Variants in KAT6A observed in about 807,000 individuals in gnomAD.
KAT6A encodes lysine acetyltransferase 6A, also known as histone acetyltransferase KAT6A.
KAT6A carries 9 observed loss-of-function variants against 198.4 expected under a neutral mutation model. That is an observed-to-expected ratio of 0.05 (90% CI 0.03 to 0.08). The LOEUF (loss-of-function observed/expected upper bound fraction) is 0.08, where lower values mean the gene tolerates loss of function less well. Ranked by LOEUF, KAT6A falls within the 10% of genes least tolerant of loss-of-function variation. The pLI is 1.00. For missense variants in KAT6A, 2,077 were observed against 2,509.9 expected, an observed-to-expected ratio of 0.83 and a Z score of 3.69; for synonymous variants, 890 against 883.0, an observed-to-expected ratio of 1.01 and a Z score of -0.14.
chr8:41,988,088 A>C (rs1319335661), intron 2 of KAT6A, among the ~76,000 whole-genome samples: 1 of 152,230 alleles, frequency 6.6e-6, no homozygotes, highest in Non-Finnish European at 1.5e-5. Flanking sequence ...ACATGTACTA[A>C]GCATCAGTAT....
rs558135022 is a variant in KAT6A at position 41,979,789 on chromosome 8, C to T, written c.908-1012G>A. Among the ~76,000 whole-genome samples, 4 of 152,172 alleles carry T rather than the reference C, an allele frequency of 2.6e-5. No individual in the cohort carries two copies. In the South Asian group the frequency reaches 8.3e-4, roughly 32 times the overall value. On this transcript the variant is annotated intron_variant, in intron 5 of 16. Transcript: ENST00000265713. ...GCCGAGGCGAACAGATCACTTGAGGCCAGGAGTTCAAGACGAGCCTGGCCA... is the reference window on the plus strand; with the variant it reads ...GCCGAGGCGAACAGATCACTTGAGGTCAGGAGTTCAAGACGAGCCTGGCCA...
At chr8:42,041,192 C>CAAAA (rs10595164) in intron 2 of KAT6A, among the ~76,000 whole-genome samples, 2 of 88,858 alleles carry the variant, frequency 2.3e-5, no homozygotes, top group Non-Finnish European at 4.5e-5. Flanking sequence ...GATTCCGTCT[C>CAAAA]AAAAAAAAAA....
chr8:41,931,646 A>T lies in KAT6A; in HGVS notation c.*559T>A, dbSNP rs1375133453. 6.5e-5 allele frequency: 12 copies of T among 183,968 alleles called. No homozygotes were observed. The highest frequency in any genetic ancestry group is 2.7e-4 in the East Asian group (3 of 11,300). 11.4% of individuals were successfully genotyped at this position (183,968 alleles called of 1,614,324 possible). A position where few individuals can be genotyped will look rare whatever the true frequency, so the allele number is the denominator to read the frequency against. ...CACTTTATTAATAATAATAATAATAATATTAACAATAATAATAAGTTTAAG... is the reference window on the plus strand; with the variant it reads ...CACTTTATTAATAATAATAATAATATTATTAACAATAATAATAAGTTTAAG... On this transcript the variant is annotated 3_prime_UTR_variant, in exon 17 of 17. Transcript: ENST00000265713.
intron 8 of KAT6A, among the ~76,000 whole-genome samples, chr8:41,972,276 T>C (rs372391830): frequency 6.6e-6 from 1 of 152,202 alleles, no homozygotes; most frequent in Non-Finnish European, 1.5e-5. Flanking sequence ...TAGAAAATAA[T>C]GTTTGGCCAC....
intron 2 of KAT6A, among the ~76,000 whole-genome samples, chr8:42,048,031 TTTAG>T (rs1004145218): frequency 3.5e-4 from 53 of 152,020 alleles, no homozygotes; most frequent in African/African-American, 1.2e-3. Flanking sequence ...TCTAAGAACC[TTTAG>T]TTAAAGTTTT....
At chr8:41,943,091 AGAT>A (rs1822219361) in intron 13 of KAT6A, 91 bp from the exon 14 acceptor site, 3 of 1,512,258 alleles carry the variant, frequency 2.0e-6, no homozygotes, top group Non-Finnish European at 2.7e-6. Context: ...GAAGCATGTA[AGAT>A]GATAGGTGCT....
chr8:42,036,023 T>C (rs998427591), intron 2 of KAT6A, among the ~76,000 whole-genome samples: 1 of 152,124 alleles, frequency 6.6e-6, no homozygotes, highest in Admixed American at 6.5e-5. Context: ...CTTCTTTCAC[T>C]GTCCTATGAC....
rs2150932711 is a variant in KAT6A at position 42,048,517 on chromosome 8, G to C, written c.461C>G (p.Ala154Gly). 1 of 1,614,140 alleles carries C rather than the reference G, an allele frequency of 6.2e-7. No individual in the cohort carries two copies. The highest frequency in any genetic ancestry group is 1.1e-5 in the South Asian group (1 of 91,082). Residue 154 changes from alanine (A) to glycine (G), a missense_variant, in exon 2 of 17, where the codon GCC becomes GGC. Ala to Gly is a moderately conservative substitution (Grantham distance 60). Around this residue, in one of 13 missense-constraint regions of KAT6A, gnomAD observed 185 missense variants for 185.7 expected, o/e 1.00. Coordinates refer to ENST00000265713, the MANE Select transcript of KAT6A (RefSeq NM_006766.5). ...HQQLRLAIKR[A>G]IGHGRLLKDG... ...TTTAAGGAGTCTGCCGTGGCCAATGGCACGTTTGATAGCCAATCGTAACTG... is the reference window on the plus strand; with the variant it reads ...TTTAAGGAGTCTGCCGTGGCCAATGCCACGTTTGATAGCCAATCGTAACTG...
chr8:42,012,608 C>G (rs999224377), intron 2 of KAT6A, among the ~76,000 whole-genome samples: 5 of 152,188 alleles, frequency 3.3e-5, no homozygotes, highest in Non-Finnish European at 7.3e-5. Flanking sequence ...CCTGCCAACA[C>G]TTTGAGTTCA....
At chr8:41,959,893 T>G (rs1198399110) in intron 8 of KAT6A, among the ~76,000 whole-genome samples, 6 of 151,662 alleles carry the variant, frequency 4.0e-5, no homozygotes, top group Middle Eastern at 3.4e-3. Flanking sequence ...GAGGCAGAGG[T>G]TGCAGTGAGC....
chr8:41,974,345 A>AT (rs1367781563), intron 8 of KAT6A: 1 of 155,852 alleles, frequency 6.4e-6, no homozygotes, highest in Non-Finnish European at 1.4e-5. Context: ...AAGTGCTAGG[A>AT]TTACAGGCAT....
At position 41,932,863 on chromosome 8, in the gene KAT6A, A is replaced by G; in HGVS notation, c.5357T>C (p.Leu1786Pro). 1 of 1,614,182 alleles carries G rather than the reference A, an allele frequency of 6.2e-7. No individual in the cohort carries two copies. The highest frequency in any genetic ancestry group is 8.5e-7 in the Non-Finnish European group (1 of 1,180,024). ...AVTSYATSVS[L>P]SNTGLAQLAP... Reference sequence around the variant, plus strand: ...CAGCTGAGCCAGTCCTGTATTGGACAGAGAAACACTGGTTGCATAGGAAGT... The same window carrying G: ...CAGCTGAGCCAGTCCTGTATTGGACGGAGAAACACTGGTTGCATAGGAAGT... Residue 1786 changes from leucine to proline, a missense_variant, in exon 17 of 17, where the codon CTG becomes CCG. Physicochemically the swap from Leu to Pro is moderately conservative, Grantham distance 98. Around this residue, in one of 13 missense-constraint regions of KAT6A, gnomAD observed 500 missense variants for 577.2 expected, o/e 0.87. Coordinates refer to ENST00000265713, the MANE Select transcript of KAT6A (RefSeq NM_006766.5).
chr8:42,015,318 G>A (rs1034279696), intron 2 of KAT6A, among the ~76,000 whole-genome samples: 1 of 152,184 alleles, frequency 6.6e-6, no homozygotes, highest in Non-Finnish European at 1.5e-5. Context: ...GCAGAACTAG[G>A]AAGCCAAGAG....
intron 2 of KAT6A, among the ~76,000 whole-genome samples, chr8:42,024,235 C>T (rs894663894): frequency 2.6e-5 from 4 of 152,190 alleles, no homozygotes; most frequent in African/African-American, 9.7e-5. Flanking sequence ...TCACCACAAA[C>T]ATGCTGAGTA....
intron 8 of KAT6A, among the ~76,000 whole-genome samples, chr8:41,959,851 G>A (rs536813184): frequency 6.6e-5 from 10 of 152,160 alleles, no homozygotes; most frequent in Non-Finnish European, 1.0e-4. Flanking sequence ...AGCTACTCGG[G>A]AGGCTGAGGC....
At chr8:42,036,700 A>G (rs1441645891) in intron 2 of KAT6A, among the ~76,000 whole-genome samples, 1 of 152,182 alleles carries the variant, frequency 6.6e-6, no homozygotes, top group African/African-American at 2.4e-5. Context: ...CATAAGGCCA[A>G]GCAATGAGAA....
chr8:41,986,602 G>A (rs1314779141), intron 3 of KAT6A, among the ~76,000 whole-genome samples: 2 of 151,860 alleles, frequency 1.3e-5, no homozygotes, highest in Non-Finnish European at 2.9e-5. Flanking sequence ...AAAAAACTAA[G>A]ACCTGATTTA....
At chr8:41,983,762 T>C (rs761865232) in intron 3 of KAT6A, among the ~76,000 whole-genome samples, 1 of 152,216 alleles carries the variant, frequency 6.6e-6, no homozygotes, top group East Asian at 1.9e-4. Context: ...AAAGAACAAG[T>C]GTTTTAGCAC....
Position 41,940,861 on chromosome 8 carries a change from T to TTTG in KAT6A, c.3017_3019dup (p.Thr1006dup). The stretch of plus-strand genomic sequence containing the variant: ...CGTTACCTTTCGCTTCAGCGTGGGC[T>TTTG]TTGTGAGAATTGGTGGCGAGCTTGA... On this transcript the variant is annotated inframe_insertion, in exon 15 of 17. Transcript: ENST00000265713. 1.2e-6 allele frequency: 2 copies of TTTG among 1,612,308 alleles called. No individual in the cohort carries two copies. Among genetic ancestry groups the TTTG allele is most frequent in the African/African-American group, 1.3e-5 (1 of 75,046 alleles).
Sources: allele counts gnomAD v4.1 joint callset (sites outside exome capture counted in the v4.1 genomes callset), GRCh38; gene constraint gnomAD v4.1.1; regional missense constraint gnomAD v4.1.1; transcripts MANE v1.5; gene names NCBI Gene and HGNC (gene_info 2026-07-23, HGNC 2026-07-21).